The following IARS1 variants were observed in gnomAD, a reference collection of about 807,000 sequenced individuals.
IARS1 encodes isoleucyl-tRNA synthetase 1, also known as isoleucine--tRNA ligase, cytoplasmic.
IARS1 carries 124 observed loss-of-function variants against 168.2 expected under a neutral mutation model. The ratio of observed to expected loss-of-function variants is 0.74; its 90% CI spans 0.64 to 0.86. IARS1 has a LOEUF of 0.86. Ranked by LOEUF, IARS1 falls within the 40% of genes least tolerant of loss-of-function variation. The pLI, the probability that IARS1 is intolerant of heterozygous loss-of-function variation, is 0.00. For synonymous variants in IARS1, 532 were observed against 529.4 expected, an observed-to-expected ratio of 1.00 and a Z score of -0.07; for missense variants, 1,452 against 1,515.8, an observed-to-expected ratio of 0.96 and a Z score of 0.70.
At chr9:92,234,874 G>C (rs1026928839) in intron 30 of IARS1, among the ~76,000 whole-genome samples, 1 of 149,708 alleles carries the variant, frequency 6.7e-6, no homozygotes. Context: ...GATGGAGTTC[G>C]TTCTTGTTGC....
At chr9:92,248,993 A>G (rs1216808986) in intron 25 of IARS1, among the ~76,000 whole-genome samples, 1 of 152,224 alleles carries the variant, frequency 6.6e-6, no homozygotes, top group Non-Finnish European at 1.5e-5. Flanking sequence ...TTTGACCCCA[A>G]AACTCCACTT....
chr9:92,262,913 T>G (rs1343600652), intron 17 of IARS1, 56 bp downstream of exon 17: 6 of 1,303,286 alleles, frequency 4.6e-6, no homozygotes, highest in Non-Finnish European at 6.7e-6. Context: ...ACGCACTCCT[T>G]CTTAAGAAAC....
At chr9:92,256,183 CTTTTT>C (rs773558436) in intron 20 of IARS1, among the ~76,000 whole-genome samples, 2 of 138,320 alleles carry the variant, frequency 1.4e-5, no homozygotes, top group South Asian at 2.4e-4. Context: ...TTCCCCAGGG[CTTTTT>C]TTTTTTTTTT....
chr9:92,215,985 T>C (rs987324702), intron 33 of IARS1, among the ~76,000 whole-genome samples: 4 of 149,498 alleles, frequency 2.7e-5, no homozygotes, highest in East Asian at 2.0e-4. Flanking sequence ...TTCACCAAAG[T>C]TGAAATGAAG....
chr9:92,289,593 C>G (rs1049364877), intron 1 of IARS1, among the ~76,000 whole-genome samples, 167 bp from the exon 2 acceptor site: 1 of 152,078 alleles, frequency 6.6e-6, no homozygotes, highest in African/African-American at 2.4e-5. Context: ...AATTCAGTGG[C>G]TTTTTAGTAT....
chr9:92,227,263 C>T (rs1294945864), intron 31 of IARS1, among the ~76,000 whole-genome samples: 8 of 146,388 alleles, frequency 5.5e-5, no homozygotes, highest in South Asian at 2.3e-4. Context: ...CCTTTCCCCC[C>T]TTTCTATTCC....
intron 30 of IARS1, among the ~76,000 whole-genome samples, chr9:92,234,335 C>T (rs73516533): frequency 0.011 from 1,679 of 152,192 alleles, 40 homozygotes; most frequent in African/African-American, 0.038. Flanking sequence ...TGGTTTTTTC[C>T]CTCATAATAT....
intron 20 of IARS1, among the ~76,000 whole-genome samples, chr9:92,255,997 A>G (rs1466831818): frequency 6.6e-6 from 1 of 152,100 alleles, no homozygotes; most frequent in Non-Finnish European, 1.5e-5. Context: ...GTACCCCATA[A>G]ATATATACAT....
intron 18 of IARS1, 76 bp from the exon 19 acceptor site, chr9:92,259,074 G>T: frequency 7.7e-7 from 1 of 1,291,040 alleles, no homozygotes; most frequent in South Asian, 1.6e-5. Context: ...CATATTGAGA[G>T]AGCAAGATGA....
chr9:92,278,101 T>C (rs182292813), intron 8 of IARS1, 98 bp downstream of exon 8: 12 of 1,092,206 alleles, frequency 1.1e-5, no homozygotes, highest in East Asian at 2.4e-5. Context: ...ATTTGAATAA[T>C]GCAAGCTTTT....
At position 92,235,175 on chromosome 9, in the gene IARS1, A is replaced by G. The variant is rs541599551; in HGVS notation, c.3283+5681T>C. ...GTATGTATGTTCCTTATGATTTTCT[A>G]TAGAGTCAGCTTTATTCCTTTCTTT... On this transcript the variant is annotated intron_variant, in intron 30 of 33. Coordinates refer to ENST00000443024, the MANE Select transcript of IARS1 (RefSeq NM_002161.6). Among the ~76,000 whole-genome samples the G allele has an allele frequency of 4.6e-5, 7 of 152,172 alleles. No homozygotes were observed. The South Asian group carries it at 1.5e-3, about 32-fold the overall frequency.
intron 10 of IARS1, among the ~76,000 whole-genome samples, chr9:92,272,864 C>CAAAAAAAAAAAAAAAAAAAAA (rs869076663): frequency 3.5e-5 from 2 of 57,038 alleles, no homozygotes; most frequent in Non-Finnish European, 6.4e-5. Flanking sequence ...CAAAACAAAA[C>CAAAAAAAAAAAAAAAAAAAAA]AAAAAAAAAA....
intron 26 of IARS1, 121 bp from the exon 27 acceptor site, chr9:92,245,192 G>A (rs1829005306): frequency 1.3e-6 from 1 of 749,666 alleles, no homozygotes; most frequent in African/African-American, 1.7e-5. Flanking sequence ...GAGGCTTCAA[G>A]AGATCATTTC....
chr9:92,221,654 G>C (rs754234436), intron 33 of IARS1, among the ~76,000 whole-genome samples: 1 of 152,200 alleles, frequency 6.6e-6, no homozygotes, highest in African/African-American at 2.4e-5. Context: ...GTGGGAGAAC[G>C]GGAGGAGGAG....
At position 92,286,572 on chromosome 9, in the gene IARS1, TAGTCATTGTCAA is replaced by T. The variant is rs748173878; in HGVS notation, c.431_442del (p.Phe144_Asp147del). On this transcript the variant is annotated inframe_deletion, in exon 5 of 34. Coordinates refer to ENST00000443024, the MANE Select transcript of IARS1 (RefSeq NM_002161.6). ...CATGAATTGTGGATACAGAGTTTTA[TAGTCATTGTCAA>T]AGTCAATCCATCGGCCAAGTCTGCT... is the stretch of plus-strand genomic sequence containing the variant. 1 of 1,601,328 alleles carries T rather than the reference TAGTCATTGTCAA, an allele frequency of 6.2e-7. No individual in the cohort carries two copies. Among genetic ancestry groups the T allele is most frequent in the South Asian group, 1.1e-5 (1 of 90,678 alleles).
At chr9:92,216,910 G>A (rs1838800356) in intron 33 of IARS1, among the ~76,000 whole-genome samples, 3 of 150,600 alleles carry the variant, frequency 2.0e-5, no homozygotes, top group Non-Finnish European at 3.0e-5. Flanking sequence ...ACTCAGCTCT[G>A]CACCAAGCGG....
At chr9:92,221,260 T>C (rs910590083) in intron 33 of IARS1, among the ~76,000 whole-genome samples, 2 of 152,034 alleles carry the variant, frequency 1.3e-5, no homozygotes, top group Non-Finnish European at 2.9e-5. Flanking sequence ...CTAAACAAGG[T>C]GTCAGAAGGA....
At chr9:92,286,839 T>C (rs913755641) in intron 4 of IARS1, among the ~76,000 whole-genome samples, 2 of 152,228 alleles carry the variant, frequency 1.3e-5, no homozygotes, top group African/African-American at 4.8e-5. Flanking sequence ...CAAGTATAAA[T>C]ATTCACTTAT....
At chr9:92,223,316 A>C (rs767881151) in intron 32 of IARS1, 30 bp downstream of exon 32, 3 of 1,583,296 alleles carry the variant, frequency 1.9e-6, no homozygotes, top group South Asian at 1.1e-5. Context: ...CCAGCACCCC[A>C]CAGTCTGCCT....
Sources: gnomAD v4.1 joint callset for allele counts (sites outside exome capture counted in the v4.1 genomes callset) on GRCh38, gnomAD v4.1.1 for gene constraint, MANE v1.5 for transcripts, NCBI Gene and HGNC (gene_info 2026-07-23, HGNC 2026-07-21) for gene names.